The following NSMCE2 variants were observed in gnomAD, a reference collection of about 807,000 sequenced individuals.
The protein encoded by NSMCE2 is NSE2 SUMO ligase component of SMC5/6 complex.
A neutral mutation model predicts 23.8 loss-of-function variants in NSMCE2; 24 were observed. The ratio of observed to expected loss-of-function variants is 1.01; its 90% confidence interval spans 0.73 to 1.42. The LOEUF (loss-of-function observed/expected upper bound fraction) is 1.42. Among genes scored for constraint, NSMCE2 ranks in the 40% most tolerant of loss-of-function variants. The probability of loss-of-function intolerance (pLI) is 0.00; values close to 1 mark genes in which losing one functional copy is unlikely to be tolerated. For synonymous variants in NSMCE2, 92 were observed against 94.1 expected (o/e 0.98, Z 0.13); for missense variants, 284 against 296.5 (o/e 0.96, Z 0.31).
Position 125,357,225 on chromosome 8 carries a change from T to C in NSMCE2, c.425T>C (p.Leu142Pro). Residue 142 changes from leucine (L) to proline (P), a missense_variant, in exon 6 of 8, where the codon CTT (leucine) becomes CCT (proline). Physicochemically the swap from Leu to Pro is moderately conservative, Grantham distance 98. Coordinates refer to ENST00000287437, the MANE Select transcript of NSMCE2 (RefSeq NM_173685.4). Reference sequence around the variant, plus strand: ...ACTCTCCATTTTCCTCTAGGTGGTCTTCAAGCTGACAGAGAAGCTGACGGA... The same window carrying C: ...ACTCTCCATTTTCCTCTAGGTGGTCCTCAAGCTGACAGAGAAGCTGACGGA... ...QLKELKKQCG[L>P]QADREADGTE... 1 of 1,609,814 alleles carries C rather than the reference T, an allele frequency of 6.2e-7. No individual in the cohort carries two copies. The highest frequency in any genetic ancestry group is 8.5e-7 in the Non-Finnish European group (1 of 1,176,156).
At chr8:125,365,123 C>A (rs1461906462) in intron 7 of NSMCE2, among the ~76,000 whole-genome samples, 1 of 152,180 alleles carries the variant, frequency 6.6e-6, no homozygotes, top group Admixed American at 6.5e-5. Flanking sequence ...GTCCCAGTGG[C>A]CCACTCAGTC....
At chr8:125,106,888 C>T (rs369992841) in intron 3 of NSMCE2, among the ~76,000 whole-genome samples, 19 of 150,602 alleles carry the variant, frequency 1.3e-4, no homozygotes, top group Middle Eastern at 3.5e-3. Context: ...CCCGGCTACT[C>T]GGGAGGCTGA....
At chr8:125,140,901 A>G (rs1476698025) in intron 3 of NSMCE2, among the ~76,000 whole-genome samples, 1 of 152,172 alleles carries the variant, frequency 6.6e-6, no homozygotes, top group Admixed American at 6.5e-5. Context: ...TTTTCAGTCT[A>G]CCAGAGATTA....
intron 4 of NSMCE2, among the ~76,000 whole-genome samples, chr8:125,179,505 T>G (rs965033179): frequency 6.6e-6 from 1 of 152,234 alleles, no homozygotes; most frequent in Non-Finnish European, 1.5e-5. Flanking sequence ...CCCATTTGTT[T>G]TATTGATTTA....
chr8:125,254,885 G>A (rs956878037), intron 5 of NSMCE2, among the ~76,000 whole-genome samples: 2 of 152,090 alleles, frequency 1.3e-5, no homozygotes, highest in African/African-American at 4.8e-5. Context: ...GAATATAGTT[G>A]TTTTACAACA....
chr8:125,329,930 G>A (rs1474826945), intron 5 of NSMCE2, among the ~76,000 whole-genome samples: 1 of 151,966 alleles, frequency 6.6e-6, no homozygotes, highest in Non-Finnish European at 1.5e-5. Flanking sequence ...TAGTAAGACT[G>A]GTTGTTATTT....
At chr8:125,150,364 T>C (rs1039731460) in intron 3 of NSMCE2, among the ~76,000 whole-genome samples, 4 of 151,534 alleles carry the variant, frequency 2.6e-5, no homozygotes, top group African/African-American at 7.3e-5. Context: ...TTAAGATTTA[T>C]TTTTTTTCTA....
At chr8:125,150,426 CTTTTTTT>C (rs71295819) in intron 3 of NSMCE2, among the ~76,000 whole-genome samples, 39 of 61,864 alleles carry the variant, frequency 6.3e-4, no homozygotes, top group Non-Finnish European at 7.8e-4. Context: ...TTCTTTCTTT[CTTTTTTT>C]TTTTTTTTTT....
chr8:125,363,942 T>G (rs189429518), intron 7 of NSMCE2, among the ~76,000 whole-genome samples: 26 of 152,168 alleles, frequency 1.7e-4, no homozygotes, highest in African/African-American at 5.5e-4. Flanking sequence ...ACTTTTTTTT[T>G]GTTTGTTTTG....
At chr8:125,152,796 G>A (rs1283836414) in intron 4 of NSMCE2, among the ~76,000 whole-genome samples, 1 of 151,990 alleles carries the variant, frequency 6.6e-6, no homozygotes, top group Non-Finnish European at 1.5e-5. Flanking sequence ...GGTAGCTCAC[G>A]CCTGTAATCT....
At chr8:125,304,894 AAGAG>A (rs1256945554) in intron 5 of NSMCE2, among the ~76,000 whole-genome samples, 8 of 151,500 alleles carry the variant, frequency 5.3e-5, no homozygotes, top group Non-Finnish European at 7.4e-5. Context: ...AAAAAAAAAA[AAGAG>A]AGAGAAAGAA....
chr8:125,183,271 G>A (rs1387650048), intron 5 of NSMCE2, among the ~76,000 whole-genome samples: 2 of 152,136 alleles, frequency 1.3e-5, no homozygotes, highest in African/African-American at 2.4e-5. Flanking sequence ...AATGACTGAG[G>A]AAGCTGCCTC....
At chr8:125,290,464 C>G (rs1337310269) in intron 5 of NSMCE2, among the ~76,000 whole-genome samples, 1 of 151,858 alleles carries the variant, frequency 6.6e-6, no homozygotes, top group Non-Finnish European at 1.5e-5. Context: ...GCATGACTTG[C>G]ATTTTTTTTT....
At chr8:125,142,586 G>A (rs1018733931) in intron 3 of NSMCE2, among the ~76,000 whole-genome samples, 1 of 152,022 alleles carries the variant, frequency 6.6e-6, no homozygotes, top group Non-Finnish European at 1.5e-5. Flanking sequence ...TCTAGTGGGC[G>A]GCAGTTATAA....
intron 3 of NSMCE2, among the ~76,000 whole-genome samples, chr8:125,123,922 A>G (rs529529499): frequency 3.3e-5 from 5 of 152,350 alleles, no homozygotes; most frequent in African/African-American, 1.2e-4. Flanking sequence ...TGATTCACCC[A>G]TTTAAAATGT....
intron 5 of NSMCE2, among the ~76,000 whole-genome samples, chr8:125,209,478 G>A (rs1042427172): frequency 6.6e-6 from 1 of 152,012 alleles, no homozygotes; most frequent in Non-Finnish European, 1.5e-5. Context: ...AGAAGGAGAA[G>A]GATCAATTAA....
At chr8:125,337,578 A>G (rs971069352) in intron 5 of NSMCE2, among the ~76,000 whole-genome samples, 2 of 152,230 alleles carry the variant, frequency 1.3e-5, no homozygotes, top group African/African-American at 4.8e-5. Context: ...TTGACTTGCA[A>G]ATACTGTATG....
intron 3 of NSMCE2, among the ~76,000 whole-genome samples, chr8:125,120,509 A>T (rs950101698): frequency 8.5e-5 from 13 of 152,174 alleles, no homozygotes; most frequent in African/African-American, 3.1e-4. Context: ...AAATGTCATG[A>T]TAATTTGAAT....
chr8:125,317,234 A>G (rs1467394921), intron 5 of NSMCE2, among the ~76,000 whole-genome samples: 8 of 151,206 alleles, frequency 5.3e-5, no homozygotes, highest in East Asian at 3.9e-4. Context: ...GTCTCACTCT[A>G]TCACCCAGGC....
Sources: allele counts gnomAD v4.1 joint callset (sites outside exome capture counted in the v4.1 genomes callset), GRCh38; gene constraint gnomAD v4.1.1; transcripts MANE v1.5; gene names NCBI Gene and HGNC (gene_info 2026-07-23, HGNC 2026-07-21).